The following DNAI3 variants were observed in gnomAD, a reference collection of about 807,000 sequenced individuals.
DNAI3 encodes dynein axonemal intermediate chain 3, also known as WD repeat domain 63.
A neutral mutation model predicts 115.5 loss-of-function variants in DNAI3; 83 were observed. The ratio of observed to expected loss-of-function variants is 0.72; its 90% CI spans 0.60 to 0.86. The LOEUF is 0.86. DNAI3 is among the 40% of genes least tolerant of loss of function. The pLI, the probability that DNAI3 is intolerant of heterozygous loss-of-function variation, is 0.00. For synonymous variants in DNAI3, 320 were observed against 347.0 expected (o/e 0.92, Z 0.86); for missense variants, 1,004 against 1,075.8 (o/e 0.93, Z 0.93).
chr1:85,121,616 G>A (rs1655996909), intron 17 of DNAI3, 135 bp from the exon 18 acceptor site: 1 of 746,902 alleles, frequency 1.3e-6, no homozygotes, highest in African/African-American at 1.8e-5. Context: ...CTCCCCCACT[G>A]GATCAAATTA....
chr1:85,070,450 T>G (rs748368885), intron 1 of DNAI3, among the ~76,000 whole-genome samples: 2 of 151,286 alleles, frequency 1.3e-5, no homozygotes, highest in Non-Finnish European at 2.9e-5. Context: ...CCTATTGCGC[T>G]CTGTGTCCCT....
At chr1:85,131,570 A>G (rs1656326280) in intron 22 of DNAI3, among the ~76,000 whole-genome samples, 1 of 151,358 alleles carries the variant, frequency 6.6e-6, no homozygotes, top group African/African-American at 2.4e-5. Flanking sequence ...AGAGGATCTC[A>G]TTTCAAAACA....
intron 10 of DNAI3, among the ~76,000 whole-genome samples, chr1:85,094,831 T>C (rs1253907095): frequency 6.6e-6 from 1 of 152,220 alleles, no homozygotes; most frequent in Non-Finnish European, 1.5e-5. Flanking sequence ...TGGACTTTAC[T>C]TGAATACTAA....
intron 1 of DNAI3, among the ~76,000 whole-genome samples, chr1:85,064,520 T>G (rs1048752565): frequency 2.0e-5 from 3 of 152,236 alleles, no homozygotes; most frequent in Admixed American, 2.0e-4. Context: ...GAATCAATAG[T>G]TCTTGCAGAC....
At position 85,062,433 on chromosome 1, in the gene DNAI3, T is replaced by C. The variant is rs891228428; in HGVS notation, c.-68T>C. 6.6e-6 allele frequency: 1 copy of C among 152,184 alleles called. No individual in the cohort carries two copies. The highest frequency in any genetic ancestry group is 2.4e-5 in the African/African-American group (1 of 41,444). 9.4% of individuals were successfully genotyped at this position (152,184 alleles called of 1,614,324 possible). Reference sequence around the variant, plus strand: ...TCCCACCTCCAGCTCTCGAAGGAGCTTTTCCTGAGGGCACTGCAAAGAGGC... The same window carrying C: ...TCCCACCTCCAGCTCTCGAAGGAGCCTTTCCTGAGGGCACTGCAAAGAGGC... On this transcript the variant is annotated 5_prime_UTR_variant, in exon 1 of 23. Coordinates refer to ENST00000294664, the MANE Select transcript of DNAI3 (RefSeq NM_145172.5).
chr1:85,082,747 G>C (rs1270625148), intron 5 of DNAI3, among the ~76,000 whole-genome samples: 1 of 152,198 alleles, frequency 6.6e-6, no homozygotes, highest in Non-Finnish European at 1.5e-5. Context: ...GTTCAGCTCT[G>C]TTTCTTTGGG....
At chr1:85,103,763 T>G (rs995940776) in intron 13 of DNAI3, among the ~76,000 whole-genome samples, 7 of 151,810 alleles carry the variant, frequency 4.6e-5, no homozygotes, top group Non-Finnish European at 1.0e-4. Flanking sequence ...GGCACATGCC[T>G]GTAATCCCAG....
chr1:85,093,254 C>T (rs1051340677), intron 8 of DNAI3, among the ~76,000 whole-genome samples: 3 of 152,168 alleles, frequency 2.0e-5, no homozygotes, highest in Non-Finnish European at 4.4e-5. Context: ...TGAAGTTGCT[C>T]GAGGTTCTGA....
rs757360761 is a variant in DNAI3, at chr1:85,073,014, T to C, written c.65-40T>C. ...TTATAATAAATTGAGATGTATTTGA[T>C]TCAAAAATGTAAATTTGACTTCCTT... is the stretch of plus-strand genomic sequence containing the variant. On this transcript the variant is annotated intron_variant, in intron 2 of 22. Coordinates refer to ENST00000294664, the MANE Select transcript of DNAI3 (RefSeq NM_145172.5). The C allele has an allele frequency of 6.8e-6, 9 of 1,320,092 alleles. 1 individual carries two copies. The highest frequency in any genetic ancestry group is 9.3e-6 in the Non-Finnish European group (9 of 965,274). The allele number at this position is 1,320,092 out of a possible 1,614,324, so 81.8% of individuals were successfully genotyped here. A position where few individuals can be genotyped will look rare whatever the true frequency, so the allele number is the denominator to read the frequency against.
intron 1 of DNAI3, among the ~76,000 whole-genome samples, chr1:85,066,058 C>A (rs1193829968): frequency 1.3e-5 from 2 of 152,110 alleles, no homozygotes; most frequent in African/African-American, 4.8e-5. Flanking sequence ...AACGTAGAAT[C>A]TAGAAAATGT....
chr1:85,129,237 C>CA (rs1553168418), intron 21 of DNAI3, among the ~76,000 whole-genome samples: 6 of 152,020 alleles, frequency 3.9e-5, no homozygotes, highest in Non-Finnish European at 5.9e-5. Context: ...CTGCACCCCC[C>CA]ACACTGTACC....
chr1:85,132,349 CT>C (rs1398392447), intron 22 of DNAI3, among the ~76,000 whole-genome samples: 1 of 152,216 alleles, frequency 6.6e-6, no homozygotes, highest in Non-Finnish European at 1.5e-5. Context: ...GCACCTGTCT[CT>C]TTGCAAACAT....
At chr1:85,070,393 G>A (rs1413188852) in intron 1 of DNAI3, among the ~76,000 whole-genome samples, 3 of 152,176 alleles carry the variant, frequency 2.0e-5, no homozygotes, top group Non-Finnish European at 4.4e-5. Flanking sequence ...GGTTAAGAAT[G>A]TGGCTATTGG....
At chr1:85,132,740 C>T in intron 22 of DNAI3, 115 bp from the exon 23 acceptor site, 1 of 1,344,762 alleles carries the variant, frequency 7.4e-7, no homozygotes, top group South Asian at 1.5e-5. Context: ...CTCCATCCAG[C>T]CCTTTCCAGA....
intron 3 of DNAI3, among the ~76,000 whole-genome samples, chr1:85,073,694 A>AT (rs1398958334): frequency 6.6e-6 from 1 of 152,166 alleles, no homozygotes; most frequent in East Asian, 1.9e-4. Context: ...CACTGTAAAG[A>AT]TTTTGTCTTT....
Position 85,090,770 on chromosome 1 carries a change from C to T in DNAI3, c.857+538C>T, listed in dbSNP as rs564866132. ...TGCCCCCTAAGCTGTTAGTAGGACC[C>T]TGGGTAGAGTTCTGGGGCTTCTAAA... On this transcript the variant is annotated intron_variant, in intron 8 of 22. Coordinates refer to ENST00000294664, the MANE Select transcript of DNAI3 (RefSeq NM_145172.5). Among the ~76,000 whole-genome samples the T allele has an allele frequency of 3.3e-5, 5 of 152,212 alleles. No individual in the cohort carries two copies. In the East Asian group the frequency reaches 9.7e-4, roughly 29 times the overall value.
In DNAI3 at chr1:85,127,844, G is replaced by A. The variant is rs1174970832; in HGVS notation, c.2318-864G>A. Among the ~76,000 whole-genome samples the A allele has an allele frequency of 2.6e-5, 4 of 152,126 alleles. No homozygotes were observed. In the East Asian group the frequency reaches 7.7e-4, roughly 29 times the overall value. ...AATTACAATTCTCAGGCCGGGCATG[G>A]TGGCTTACACCTCTAATCCCAGCAC... On this transcript the variant is annotated intron_variant, in intron 20 of 22. Transcript: ENST00000294664.
intron 1 of DNAI3, among the ~76,000 whole-genome samples, chr1:85,065,517 A>C (rs1323942238): frequency 6.6e-6 from 1 of 152,266 alleles, no homozygotes; most frequent in Non-Finnish European, 1.5e-5. Flanking sequence ...GGGTGGCACC[A>C]GTCTGAGGTT....
Position 85,112,464 on chromosome 1 carries a change from A to G in DNAI3, c.1786+2329A>G, listed in dbSNP as rs141047674. Among the ~76,000 whole-genome samples the G allele has an allele frequency of 4.8e-3, 724 of 152,284 alleles. 8 individuals carry two copies. The highest frequency in any genetic ancestry group is 0.017 in the African/African-American group (701 of 41,558). ...TCCTGGGTACATCCCTAGGAATAGA[A>G]TGGTTGTATTATATGGCAGGTGTAT... On this transcript the variant is annotated intron_variant, in intron 16 of 22. Coordinates refer to ENST00000294664, the MANE Select transcript of DNAI3 (RefSeq NM_145172.5).
Sources: gnomAD v4.1 joint callset for allele counts (sites outside exome capture counted in the v4.1 genomes callset) on GRCh38, gnomAD v4.1.1 for gene constraint, MANE v1.5 for transcripts, NCBI Gene and HGNC (gene_info 2026-07-23, HGNC 2026-07-21) for gene names.